The following ZC3H12B variants were observed in gnomAD, a reference collection of about 807,000 sequenced individuals.
ZC3H12B encodes the protein probable ribonuclease ZC3H12B.
ZC3H12B carries 7 observed loss-of-function variants against 43.9 expected under a neutral mutation model. That is an observed-to-expected ratio of 0.16 (90% CI 0.09 to 0.30). The LOEUF (loss-of-function observed/expected upper bound fraction) is 0.30. Ranked by LOEUF, ZC3H12B falls within the 10% of genes least tolerant of loss-of-function variation. The probability of loss-of-function intolerance (pLI) is 1.00; values close to 1 mark genes in which losing one functional copy is unlikely to be tolerated. For synonymous variants in ZC3H12B, 222 were observed against 241.7 expected (o/e 0.92, Z 0.76); for missense variants, 475 against 670.2 (o/e 0.71, Z 3.22).
exon 5 of ZC3H12B, chrX:65,502,834 C>G (rs1450745965): frequency 8.3e-7 from 1 of 1,210,609 alleles, no homozygotes; most frequent in Admixed American, 2.2e-5. Context: ...TCTATGAGAG[C>G]AACCCCGTGA....
the ZC3H12B span, chrX:65,271,742 A>T: frequency 3.8e-5 from 5 of 132,419 alleles, no homozygotes; most frequent in African/African-American, 1.6e-4. Context: ...GTAACTTGGC[A>T]GGACAATTGA....
At chrX:65,144,666 G>T in the ZC3H12B span, among the ~76,000 whole-genome samples, 2 of 111,315 alleles carry the variant, frequency 1.8e-5, no homozygotes, top group African/African-American at 6.5e-5. Context: ...TTGATAGGTT[G>T]TGTCACTATG....
chrX:65,117,952 T>G, the ZC3H12B span, among the ~76,000 whole-genome samples: 3 of 111,519 alleles, frequency 2.7e-5, no homozygotes, highest in Non-Finnish European at 3.8e-5. Context: ...CCATGCTGTT[T>G]TGGTTACTGT....
the ZC3H12B span, among the ~76,000 whole-genome samples, chrX:65,085,405 A>T: frequency 9.0e-5 from 10 of 111,315 alleles, no homozygotes; most frequent in Non-Finnish European, 1.7e-4. Flanking sequence ...ATGTACTCAC[A>T]AAAATTAAAA....
At chrX:65,191,603 T>G in the ZC3H12B span, among the ~76,000 whole-genome samples, 1 of 104,259 alleles carries the variant, frequency 9.6e-6, no homozygotes, top group African/African-American at 4.0e-5. Context: ...GTTTGTAGTA[T>G]TCTCTGATGG....
At chrX:65,146,031 T>C in the ZC3H12B span, among the ~76,000 whole-genome samples, 2 of 111,649 alleles carry the variant, frequency 1.8e-5, no homozygotes, top group African/African-American at 6.5e-5. Flanking sequence ...TCTAGGTCTC[T>C]AGCAAGTCCA....
the ZC3H12B span, among the ~76,000 whole-genome samples, chrX:65,264,596 G>A: frequency 8.9e-6 from 1 of 111,807 alleles, no homozygotes; most frequent in South Asian, 3.7e-4. Context: ...CATTGCCTAT[G>A]TTTGTATTCA....
chrX:65,304,753 A>C, the ZC3H12B span, among the ~76,000 whole-genome samples: 1 of 112,241 alleles, frequency 8.9e-6, no homozygotes, highest in Non-Finnish European at 1.9e-5. Context: ...ATGGGGAATA[A>C]TTTTTGTGTT....
chrX:65,165,935 C>A, the ZC3H12B span, among the ~76,000 whole-genome samples: 505 of 112,303 alleles, frequency 4.5e-3, 4 homozygotes, highest in African/African-American at 0.016. Flanking sequence ...ATTTCTATTT[C>A]TCCATATTCT....
At chrX:65,181,525 C>T in the ZC3H12B span, among the ~76,000 whole-genome samples, 3 of 111,270 alleles carry the variant, frequency 2.7e-5, no homozygotes, top group African/African-American at 9.8e-5. Context: ...GTCTAATATC[C>T]AGTATCTACA....
the ZC3H12B span, among the ~76,000 whole-genome samples, chrX:65,093,199 C>T: frequency 7.2e-5 from 8 of 111,318 alleles, no homozygotes; most frequent in Admixed American, 7.6e-4. Flanking sequence ...TGGAAGCCCC[C>T]ACCTAGATTT....
chrX:65,041,870 AT>A, the ZC3H12B span, among the ~76,000 whole-genome samples: 1 of 111,815 alleles, frequency 8.9e-6, no homozygotes, highest in Non-Finnish European at 1.9e-5. Context: ...AGCATTTCTG[AT>A]GTTCTGAGAT....
chrX:65,151,233 C>T, the ZC3H12B span, among the ~76,000 whole-genome samples: 1 of 111,532 alleles, frequency 9.0e-6, no homozygotes, highest in Non-Finnish European at 1.9e-5. Flanking sequence ...AATACAATCA[C>T]AAACCAAGAA....
At chrX:65,329,159 C>T in the ZC3H12B span, among the ~76,000 whole-genome samples, 1 of 111,344 alleles carries the variant, frequency 9.0e-6, no homozygotes, top group African/African-American at 3.3e-5. Flanking sequence ...GTTTACAGTC[C>T]CACCAACAGT....
intron 3 of ZC3H12B, among the ~76,000 whole-genome samples, chrX:65,421,518 C>A (rs2067016858): frequency 8.9e-6 from 1 of 111,828 alleles, no homozygotes; most frequent in South Asian, 3.8e-4. Context: ...TTTGTTCTTA[C>A]TGGAATAATC....
the ZC3H12B span, among the ~76,000 whole-genome samples, chrX:65,247,086 A>G: frequency 9.2e-6 from 1 of 108,902 alleles, no homozygotes; most frequent in African/African-American, 3.6e-5. Flanking sequence ...AAAGTGGGCA[A>G]AGAACACCAA....
At chrX:65,100,875 CAGCTCTGGACTA>C in the ZC3H12B span, among the ~76,000 whole-genome samples, 11 of 111,511 alleles carry the variant, frequency 9.9e-5, no homozygotes, top group African/African-American at 2.0e-4. Flanking sequence ...GACTTGAACT[CAGCTCTGGACTA>C]AGCAGACCTA....
At chrX:65,276,132 A>C in the ZC3H12B span, among the ~76,000 whole-genome samples, 1 of 111,669 alleles carries the variant, frequency 9.0e-6, no homozygotes, top group African/African-American at 3.2e-5. Context: ...CTTTTGAAAT[A>C]ACACAGGCAG....
chrX:65,339,124 A>C, the ZC3H12B span, among the ~76,000 whole-genome samples: 2 of 111,977 alleles, frequency 1.8e-5, no homozygotes, highest in African/African-American at 6.5e-5. Context: ...TACATTAAGA[A>C]GCAGGGAAAA....
Sources: allele counts gnomAD v4.1 joint callset (sites outside exome capture counted in the v4.1 genomes callset), GRCh38; gene constraint gnomAD v4.1.1; transcripts MANE v1.5; gene names NCBI Gene and HGNC (gene_info 2026-07-23, HGNC 2026-07-21).